The following PSD3 variants were observed in gnomAD, a reference collection of about 807,000 sequenced individuals.
PSD3 encodes pleckstrin and Sec7 domain containing 3, also known as PH and SEC7 domain-containing protein 3.
In PSD3, 49 loss-of-function variants were observed where a neutral mutation model predicts 105.5. The observed-to-expected ratio is 0.46, with a 90% confidence interval of 0.37 to 0.59. PSD3 has a LOEUF of 0.59. Ranked by LOEUF, PSD3 falls within the 20% of genes least tolerant of loss-of-function variation. PSD3 has a pLI of 0.00. For synonymous variants in PSD3, 557 were observed against 457.8 expected (o/e 1.22, Z -2.77); for missense variants, 1,561 against 1,263.8 (o/e 1.24, Z -3.57).
intron 9 of PSD3, among the ~76,000 whole-genome samples, chr8:18,735,518 C>T (rs1804088389): frequency 6.6e-6 from 1 of 152,106 alleles, no homozygotes; most frequent in Non-Finnish European, 1.5e-5. Flanking sequence ...TCTTTATTCG[C>T]CCTACAAACA....
At chr8:18,652,284 CAGA>C (rs774407667) in intron 10 of PSD3, among the ~76,000 whole-genome samples, 5 of 151,958 alleles carry the variant, frequency 3.3e-5, no homozygotes, top group Non-Finnish European at 5.9e-5. Flanking sequence ...ACAGAAATGG[CAGA>C]AGAAGTTTTA....
At chr8:19,028,756 A>C (rs1312661111) in intron 1 of PSD3, among the ~76,000 whole-genome samples, 1 of 152,068 alleles carries the variant, frequency 6.6e-6, no homozygotes, top group Non-Finnish European at 1.5e-5. Flanking sequence ...ATCTTTCCCT[A>C]ATGTCATGCC....
chr8:18,883,740 A>G (rs1243405848), intron 2 of PSD3, among the ~76,000 whole-genome samples: 3 of 152,194 alleles, frequency 2.0e-5, no homozygotes, highest in Admixed American at 2.0e-4. Flanking sequence ...GTACGGGGAA[A>G]TTCAGTCTGA....
chr8:18,843,621 C>A (rs983615162), intron 4 of PSD3, among the ~76,000 whole-genome samples: 1 of 152,142 alleles, frequency 6.6e-6, no homozygotes, highest in African/African-American at 2.4e-5. Flanking sequence ...GACCCAAGGG[C>A]ATCAAAAACG....
rs927732859 is a variant in PSD3 at position 18,808,949 on chromosome 8, T to C, written c.1635-4051A>G. 32 of 1,439,374 alleles carry C rather than the reference T, an allele frequency of 2.2e-5. 1 individual carries two copies. Among genetic ancestry groups the C allele is most frequent in the South Asian group, 1.7e-4 (11 of 64,576 alleles). The allele number at this position is 1,439,374 out of a possible 1,614,324, so 89.2% of individuals were successfully genotyped here. A position where few individuals can be genotyped will look rare whatever the true frequency, so the allele number is the denominator to read the frequency against. On this transcript the variant is annotated intron_variant, in intron 4 of 15. Coordinates refer to ENST00000327040, the MANE Select transcript of PSD3 (RefSeq NM_015310.4). ...CCTCACATTCTCAGCCGAGTGTTCA[T>C]TGTTGCGGTTTCTGTAATGTTTCTG...
intron 4 of PSD3, among the ~76,000 whole-genome samples, chr8:18,853,814 C>T (rs558265271): frequency 6.6e-6 from 1 of 152,194 alleles, no homozygotes; most frequent in Admixed American, 6.5e-5. Context: ...TCTAGGAACA[C>T]CAAGCTATGT....
chr8:18,926,866 C>A (rs571374111), intron 2 of PSD3, among the ~76,000 whole-genome samples: 3 of 152,190 alleles, frequency 2.0e-5, no homozygotes, highest in Admixed American at 2.0e-4. Flanking sequence ...CCCTCTACCC[C>A]ACCCCTAACC....
chr8:18,582,666 A>G (rs1193560519), intron 12 of PSD3, among the ~76,000 whole-genome samples: 2 of 151,680 alleles, frequency 1.3e-5, no homozygotes, highest in East Asian at 3.9e-4. Context: ...TATTCCACAC[A>G]CTCTGAATTC....
intron 9 of PSD3, among the ~76,000 whole-genome samples, chr8:18,669,417 T>C (rs1008891366): frequency 2.6e-5 from 4 of 152,182 alleles, no homozygotes; most frequent in Non-Finnish European, 5.9e-5. Context: ...AATAATAAAA[T>C]AGAACAATGA....
intron 1 of PSD3, among the ~76,000 whole-genome samples, chr8:19,064,008 G>C (rs919554372): frequency 1.3e-5 from 2 of 151,988 alleles, no homozygotes; most frequent in African/African-American, 4.8e-5. Flanking sequence ...AGGCGTGGTG[G>C]TGCACACCTG....
At chr8:18,842,858 A>G (rs1814760091) in intron 4 of PSD3, among the ~76,000 whole-genome samples, 1 of 152,218 alleles carries the variant, frequency 6.6e-6, no homozygotes, top group African/African-American at 2.4e-5. Flanking sequence ...ATGAAGCCTC[A>G]TGCAATGTTA....
intron 15 of PSD3, among the ~76,000 whole-genome samples, chr8:18,549,331 G>C (rs1319154843): frequency 6.6e-6 from 1 of 151,986 alleles, no homozygotes; most frequent in Non-Finnish European, 1.5e-5. Context: ...ACAGGCATGT[G>C]CCACAACACC....
chr8:18,585,327 ATTTTAT>A (rs1444694611), intron 12 of PSD3, among the ~76,000 whole-genome samples: 2 of 152,058 alleles, frequency 1.3e-5, no homozygotes, highest in Non-Finnish European at 2.9e-5. Context: ...CTTTATTTTT[ATTTTAT>A]TTTTGAGACA....
chr8:18,742,417 C>T (rs1161060682), intron 9 of PSD3, among the ~76,000 whole-genome samples: 3 of 152,092 alleles, frequency 2.0e-5, no homozygotes, highest in Non-Finnish European at 2.9e-5. Context: ...TTCAGAATGA[C>T]ACAGGCATCA....
At chr8:19,083,291 T>G (rs1829700839) in intron 1 of PSD3, among the ~76,000 whole-genome samples, 1 of 152,126 alleles carries the variant, frequency 6.6e-6, no homozygotes. Flanking sequence ...CCACCCAATT[T>G]GAGAACAGTG....
chr8:19,013,674 C>T lies in PSD3; in HGVS notation c.-91G>A. The T allele has an allele frequency of 3.5e-6, 4 of 1,145,864 alleles. No individual in the cohort carries two copies. The highest frequency in any genetic ancestry group is 4.4e-6 in the Non-Finnish European group (4 of 919,324). 71.0% of individuals were successfully genotyped at this position (1,145,864 alleles called of 1,614,324 possible). ...GCGCGAGTGCCGGCGGCCAGCGCCG[C>T]GTGCTCTTTGTTGAGCTCCCGGGAC... is the stretch of plus-strand genomic sequence containing the variant. On this transcript the variant is annotated 5_prime_UTR_variant, in exon 1 of 16. Coordinates refer to ENST00000327040, the MANE Select transcript of PSD3 (RefSeq NM_015310.4).
chr8:18,798,299 G>C (rs1586034699), intron 8 of PSD3, among the ~76,000 whole-genome samples: 1 of 152,030 alleles, frequency 6.6e-6, no homozygotes, highest in Non-Finnish European at 1.5e-5. Flanking sequence ...ATGGCAAAAG[G>C]AACTTTCTAG....
At chr8:18,767,682 G>A (rs988278625) in intron 8 of PSD3, among the ~76,000 whole-genome samples, 1 of 152,162 alleles carries the variant, frequency 6.6e-6, no homozygotes, top group East Asian at 1.9e-4. Flanking sequence ...GGGAGGTGGA[G>A]GATGCAGTGA....
chr8:18,712,999 T>C (rs960961270), intron 9 of PSD3, among the ~76,000 whole-genome samples: 2 of 152,202 alleles, frequency 1.3e-5, no homozygotes, highest in Admixed American at 6.5e-5. Context: ...TCAGTTAATG[T>C]AATTCATCAC....
Sources: gnomAD v4.1 joint callset for allele counts (sites outside exome capture counted in the v4.1 genomes callset) on GRCh38, gnomAD v4.1.1 for gene constraint, MANE v1.5 for transcripts, NCBI Gene and HGNC (gene_info 2026-07-23, HGNC 2026-07-21) for gene names.